The following MAP3K13 variants were observed in gnomAD, a reference collection of about 807,000 sequenced individuals.
MAP3K13 encodes leucine zipper-bearing kinase.
Under a neutral mutation model 104.0 loss-of-function variants are expected in MAP3K13, and 52 were observed. The ratio of observed to expected loss-of-function variants is 0.50; its 90% CI spans 0.40 to 0.63. The LOEUF is 0.63. MAP3K13 is among the 20% of genes least tolerant of loss of function. The probability of loss-of-function intolerance (pLI) is 0.00; values close to 1 mark genes in which losing one functional copy is unlikely to be tolerated. For missense variants in MAP3K13, 914 were observed against 1,218.5 expected, an observed-to-expected ratio of 0.75 and a Z score of 3.72; for synonymous variants, 394 against 442.2, an observed-to-expected ratio of 0.89 and a Z score of 1.37.
chr3:185,342,216 G>A (rs904551298), intron 2 of MAP3K13, among the ~76,000 whole-genome samples: 5 of 152,126 alleles, frequency 3.3e-5, no homozygotes, highest in Admixed American at 1.3e-4. Flanking sequence ...CACCCATGCT[G>A]CTCCGAGATT....
chr3:185,398,936 A>C (rs371766582), intron 1 of MAP3K13, among the ~76,000 whole-genome samples: 2 of 152,220 alleles, frequency 1.3e-5, no homozygotes, highest in African/African-American at 4.8e-5. Flanking sequence ...AGAGGTAGCC[A>C]AGTGTCCTAT....
intron 2 of MAP3K13, among the ~76,000 whole-genome samples, chr3:185,288,834 G>T (rs984330554): frequency 6.6e-6 from 1 of 152,114 alleles, no homozygotes; most frequent in African/African-American, 2.4e-5. Flanking sequence ...GCAGAAAGAA[G>T]AGAGAACTCA....
intron 2 of MAP3K13, among the ~76,000 whole-genome samples, chr3:185,338,091 T>G (rs1046391248): frequency 4.6e-5 from 7 of 152,000 alleles, no homozygotes; most frequent in African/African-American, 1.7e-4. Flanking sequence ...CACTTTGGGA[T>G]GCCAAGGCGG....
chr3:185,355,337 C>T (rs1195149096), intron 2 of MAP3K13, among the ~76,000 whole-genome samples: 1 of 151,966 alleles, frequency 6.6e-6, no homozygotes, highest in Non-Finnish European at 1.5e-5. Context: ...CATGGTGGTG[C>T]GTGCCTGTAA....
At chr3:185,366,760 C>T (rs1304744174) in intron 1 of MAP3K13, among the ~76,000 whole-genome samples, 1 of 152,192 alleles carries the variant, frequency 6.6e-6, no homozygotes, top group African/African-American at 2.4e-5. Flanking sequence ...TATTTAGACA[C>T]ATTGTCCACA....
At chr3:185,334,556 G>T (rs1167347496) in intron 2 of MAP3K13, among the ~76,000 whole-genome samples, 2 of 150,268 alleles carry the variant, frequency 1.3e-5, no homozygotes, top group Non-Finnish European at 3.0e-5. Flanking sequence ...TCAGTTCAAT[G>T]AAAAAAGAGT....
At chr3:185,479,135 A>G (rs905807146) in intron 12 of MAP3K13, among the ~76,000 whole-genome samples, 1 of 152,174 alleles carries the variant, frequency 6.6e-6, no homozygotes, top group Non-Finnish European at 1.5e-5. Context: ...TGAGCTACTA[A>G]CTAGCTGGGC....
chr3:185,451,154 A>T (rs1407832054), intron 6 of MAP3K13, 133 bp from the exon 7 acceptor site: 2 of 607,776 alleles, frequency 3.3e-6, no homozygotes, highest in African/African-American at 3.7e-5. Flanking sequence ...CTATCCTGAT[A>T]TAATGGAGTA....
chr3:185,455,038 A>T (rs1323035955), intron 7 of MAP3K13, among the ~76,000 whole-genome samples: 1 of 93,948 alleles, frequency 1.1e-5, no homozygotes, highest in African/African-American at 4.1e-5. Context: ...GATATATATG[A>T]TATATATATG....
chr3:185,295,370 A>T (rs1720885332), intron 2 of MAP3K13, among the ~76,000 whole-genome samples: 1 of 152,092 alleles, frequency 6.6e-6, no homozygotes. Flanking sequence ...ATGCCTGGCT[A>T]ATTTTTGTAT....
At chr3:185,321,752 C>T (rs566695547) in intron 2 of MAP3K13, among the ~76,000 whole-genome samples, 3 of 152,170 alleles carry the variant, frequency 2.0e-5, no homozygotes, top group Admixed American at 6.5e-5. Context: ...TACAGGCATG[C>T]GCCACCATGC....
At chr3:185,389,267 G>T (rs1199421408) in intron 1 of MAP3K13, among the ~76,000 whole-genome samples, 1 of 152,052 alleles carries the variant, frequency 6.6e-6, no homozygotes, top group Non-Finnish European at 1.5e-5. Context: ...TACAAGTTTG[G>T]CCTCTAAAGT....
At chr3:185,363,494 G>C (rs1723732912) in intron 1 of MAP3K13, 126 bp downstream of exon 1, 2 of 415,618 alleles carry the variant, frequency 4.8e-6, no homozygotes, top group Admixed American at 1.3e-4. Flanking sequence ...GAGAGACAGA[G>C]AGACAGAGGC....
In MAP3K13 at chr3:185,487,394, G is replaced by A. The variant is rs897085869; in HGVS notation, c.*4938G>A. 1 of 148,500 alleles carries A rather than the reference G, an allele frequency of 6.7e-6. No homozygotes were observed. The highest frequency in any genetic ancestry group is 2.5e-5 in the African/African-American group (1 of 39,986). The allele number at this position is 148,500 out of a possible 1,614,324, so 9.2% of individuals were successfully genotyped here. Reference sequence around the variant, plus strand: ...GTTGCCCAGGCTGGTATCGAACTCTGGGCTCTAGCGATCCTCCTGCTTTGG... The same window carrying A: ...GTTGCCCAGGCTGGTATCGAACTCTAGGCTCTAGCGATCCTCCTGCTTTGG... On this transcript the variant is annotated 3_prime_UTR_variant, in exon 14 of 14. Transcript: ENST00000265026.
At chr3:185,412,039 C>T (rs1260932835) in intron 1 of MAP3K13, among the ~76,000 whole-genome samples, 1 of 152,208 alleles carries the variant, frequency 6.6e-6, no homozygotes, top group African/African-American at 2.4e-5. Flanking sequence ...CCACCTCGGC[C>T]TCCCAAAGTG....
intron 2 of MAP3K13, among the ~76,000 whole-genome samples, chr3:185,431,789 T>C (rs1714753279): frequency 6.6e-6 from 1 of 152,210 alleles, no homozygotes. Context: ...AATACATTCC[T>C]TAAACCAAAT....
At chr3:185,332,331 A>T (rs1722318333) in intron 2 of MAP3K13, among the ~76,000 whole-genome samples, 1 of 152,124 alleles carries the variant, frequency 6.6e-6, no homozygotes, top group African/African-American at 2.4e-5. Context: ...GTTTCAGCAT[A>T]GTGTTTGTTT....
chr3:185,395,494 G>C (rs1712346536), intron 1 of MAP3K13, among the ~76,000 whole-genome samples: 1 of 112,406 alleles, frequency 8.9e-6, no homozygotes, highest in Non-Finnish European at 1.9e-5. Context: ...AAGTAGCTGG[G>C]ACTACAGGCA....
chr3:185,422,227 TATTTGTTTCTCTTCAA>T (rs1307538746), intron 1 of MAP3K13, among the ~76,000 whole-genome samples: 2 of 152,232 alleles, frequency 1.3e-5, no homozygotes, highest in Non-Finnish European at 2.9e-5. Flanking sequence ...ATACCACGGC[TATTTGTTTCTCTTCAA>T]ATAAACAAAC....
Sources: gnomAD v4.1 joint callset for allele counts (sites outside exome capture counted in the v4.1 genomes callset) on GRCh38, gnomAD v4.1.1 for gene constraint, MANE v1.5 for transcripts, NCBI Gene and HGNC (gene_info 2026-07-23, HGNC 2026-07-21) for gene names.